Variants in MTAP observed in about 807,000 individuals in gnomAD.
MTAP encodes methylthioadenosine phosphorylase, also known as S-methyl-5'-thioadenosine phosphorylase.
MTAP carries 33 observed loss-of-function variants against 33.6 expected under a neutral mutation model. That is an observed-to-expected ratio of 0.98 (90% CI 0.74 to 1.31). MTAP has a LOEUF of 1.31. Among genes scored for constraint, MTAP ranks in the 40% most tolerant of loss-of-function variants. The probability of loss-of-function intolerance (pLI) is 0.00; values close to 1 mark genes in which losing one functional copy is unlikely to be tolerated. For missense variants in MTAP, 367 were observed against 360.0 expected, an observed-to-expected ratio of 1.02 and a Z score of -0.16; for synonymous variants, 148 against 125.7, an observed-to-expected ratio of 1.18 and a Z score of -1.19.
chr9:21,906,418 A>T (rs551584843), intron 1 of MTAP, among the ~76,000 whole-genome samples: 1 of 152,232 alleles, frequency 6.6e-6, no homozygotes, highest in African/African-American at 2.4e-5. Flanking sequence ...TGTTAACTGG[A>T]TAATGGATTT....
At chr9:21,814,300 GA>G (rs760405755) in intron 1 of MTAP, among the ~76,000 whole-genome samples, 78 of 152,124 alleles carry the variant, frequency 5.1e-4, no homozygotes, top group Non-Finnish European at 1.0e-3. Flanking sequence ...AACCTGACCT[GA>G]AAATTATTTA....
At chr9:21,857,599 A>G (rs1348540338) in intron 6 of MTAP, among the ~76,000 whole-genome samples, 1 of 152,234 alleles carries the variant, frequency 6.6e-6, no homozygotes, top group East Asian at 1.9e-4. Flanking sequence ...TTAGTCATAT[A>G]CAGAAGTAGC....
intron 1 of MTAP, among the ~76,000 whole-genome samples, chr9:21,895,960 T>G (rs1306522430): frequency 2.0e-5 from 3 of 152,118 alleles, no homozygotes; most frequent in Admixed American, 6.5e-5. Context: ...GAATATACAT[T>G]CTTCTCAGCA....
intron 1 of MTAP, chr9:21,803,065 C>G: frequency 1.2e-6 from 1 of 853,830 alleles, no homozygotes; most frequent in Non-Finnish European, 1.6e-6. Flanking sequence ...GCACCCGCAC[C>G]CTGTAGGGCG....
chr9:21,907,680 T>TA (rs1818497560), intron 1 of MTAP, among the ~76,000 whole-genome samples: 1 of 152,000 alleles, frequency 6.6e-6, no homozygotes, highest in Non-Finnish European at 1.5e-5. Context: ...GGTGTTTTTT[T>TA]TTTACTACAA....
At chr9:21,858,254 C>A (rs1287056334) in intron 6 of MTAP, among the ~76,000 whole-genome samples, 1 of 152,198 alleles carries the variant, frequency 6.6e-6, no homozygotes, top group African/African-American at 2.4e-5. Flanking sequence ...ACAGCCACAT[C>A]TTTCTAGACC....
chr9:21,923,355 C>A (rs78301640), intron 1 of MTAP, among the ~76,000 whole-genome samples: 3,147 of 152,226 alleles, frequency 0.021, 110 homozygotes, highest in African/African-American at 0.07. Context: ...CTTTAAGGAT[C>A]TCACCTACTT....
chr9:21,887,497 A>T (rs1234745484), intron 1 of MTAP, among the ~76,000 whole-genome samples: 3 of 152,054 alleles, frequency 2.0e-5, no homozygotes, highest in African/African-American at 7.2e-5. Flanking sequence ...ACATTTTCTT[A>T]ATCCAGTCTA....
rs1358216533 is a variant in MTAP at position 21,854,857 on chromosome 9, A to T, written c.677A>T (p.Glu226Val). 1 of 1,613,948 alleles carries T rather than the reference A, an allele frequency of 6.2e-7. No homozygotes were observed. The highest frequency in any genetic ancestry group is 1.7e-5 in the Admixed American group (1 of 59,994). Residue 226 changes from glutamate (E) to valine (V), a missense_variant, in exon 6 of 8, where the codon GAG becomes GTG. Glu to Val is a moderately radical substitution (Grantham distance 121, BLOSUM62 -2). Transcript: ENST00000644715. Reference protein sequence around the residue: ...AMATDYDCWKEHEEAVSVDRV... With the variant: ...AMATDYDCWKVHEEAVSVDRV... ...GCGACAGATTATGACTGCTGGAAGG[A>T]GCACGAGGAAGCAGTAGGTGGAATT...
intron 5 of MTAP, among the ~76,000 whole-genome samples, chr9:21,850,290 A>G (rs1177436329): frequency 3.3e-5 from 5 of 152,212 alleles, no homozygotes; most frequent in Admixed American, 3.3e-4. Flanking sequence ...AAGGTGAAGG[A>G]TAAGTTGCTG....
At chr9:21,833,817 TTAAC>T (rs1335826765) in intron 4 of MTAP, among the ~76,000 whole-genome samples, 2 of 152,218 alleles carry the variant, frequency 1.3e-5, no homozygotes, top group East Asian at 1.9e-4. Flanking sequence ...AGGAAACGTA[TTAAC>T]TAACAGCTAT....
chr9:21,939,879 T>A (rs1587311896), downstream of MTAP, among the ~76,000 whole-genome samples: 1 of 151,288 alleles, frequency 6.6e-6, no homozygotes, highest in African/African-American at 2.4e-5. Flanking sequence ...TGAGACTCTG[T>A]CTCAAAAAAA....
chr9:21,810,415 G>T (rs181208159), intron 1 of MTAP, among the ~76,000 whole-genome samples: 3 of 141,712 alleles, frequency 2.1e-5, no homozygotes, highest in African/African-American at 6.2e-5. Flanking sequence ...GAGGGAGATA[G>T]GAAAAGGAAA....
At chr9:21,821,175 G>A (rs921944592) in intron 4 of MTAP, among the ~76,000 whole-genome samples, 14 of 152,208 alleles carry the variant, frequency 9.2e-5, no homozygotes, top group Non-Finnish European at 2.1e-4. Context: ...AATAGGAGTG[G>A]TGAGAGAGGG....
At chr9:21,808,311 A>G (rs1232587144) in intron 1 of MTAP, among the ~76,000 whole-genome samples, 1 of 152,100 alleles carries the variant, frequency 6.6e-6, no homozygotes. Flanking sequence ...GAGGCCGGGC[A>G]TGGTGGCTCA....
At chr9:21,853,466 T>C (rs1463250053) in intron 5 of MTAP, among the ~76,000 whole-genome samples, 6 of 152,242 alleles carry the variant, frequency 3.9e-5, no homozygotes, top group Non-Finnish European at 8.8e-5. Flanking sequence ...GCCAAGACTC[T>C]TGTGAAAATT....
At chr9:21,804,503 G>T (rs1260779705) in intron 1 of MTAP, among the ~76,000 whole-genome samples, 1 of 152,142 alleles carries the variant, frequency 6.6e-6, no homozygotes. Context: ...CAAGCTTCTG[G>T]ATATAAAATT....
chr9:21,846,167 A>T (rs11506446), intron 5 of MTAP, among the ~76,000 whole-genome samples: 3,357 of 152,322 alleles, frequency 0.022, 75 homozygotes, highest in East Asian at 0.11. Flanking sequence ...CTAGAAAATA[A>T]CATCGGAAAA....
downstream of MTAP, chr9:21,931,672 T>C (rs1818961113): frequency 6.5e-6 from 1 of 152,784 alleles, no homozygotes; most frequent in African/African-American, 2.4e-5. Flanking sequence ...AGAGGAGAGA[T>C]GCAAAACCCC....
Sources: allele counts gnomAD v4.1 joint callset (sites outside exome capture counted in the v4.1 genomes callset), GRCh38; gene constraint gnomAD v4.1.1; transcripts MANE v1.5; gene names NCBI Gene and HGNC (gene_info 2026-07-23, HGNC 2026-07-21).